Variants in RAD51B observed in about 807,000 individuals in gnomAD.
RAD51B encodes RAD51 paralog B.
In RAD51B, 38 loss-of-function variants were observed where a neutral mutation model predicts 42.2. The ratio of observed to expected loss-of-function variants is 0.90; its 90% CI spans 0.70 to 1.18. The LOEUF is 1.18. Ranked by LOEUF, RAD51B falls within the 50% of genes most tolerant of loss-of-function variation. The probability of loss-of-function intolerance (pLI) is 0.00; values close to 1 mark genes in which losing one functional copy is unlikely to be tolerated. For synonymous variants in RAD51B, 154 were observed against 145.2 expected, an observed-to-expected ratio of 1.06 and a Z score of -0.43; for missense variants, 373 against 400.7, an observed-to-expected ratio of 0.93 and a Z score of 0.59.
At chr14:67,846,648 C>A (rs942617078) in intron 4 of RAD51B, among the ~76,000 whole-genome samples, 9 of 152,120 alleles carry the variant, frequency 5.9e-5, no homozygotes, top group Admixed American at 1.3e-4. Context: ...CTGGAGGCAC[C>A]TCAGTTGGGC....
intron 7 of RAD51B, among the ~76,000 whole-genome samples, chr14:68,247,707 A>G (rs550038231): frequency 2.0e-5 from 3 of 152,150 alleles, no homozygotes; most frequent in South Asian, 2.1e-4. Context: ...TTATTAGTCT[A>G]TTTGGGGGAT....
At chr14:68,016,761 G>A (rs1055840498) in intron 7 of RAD51B, among the ~76,000 whole-genome samples, 3 of 152,144 alleles carry the variant, frequency 2.0e-5, no homozygotes, top group African/African-American at 7.2e-5. Context: ...GCACAAAGAT[G>A]TTTATCATAG....
At chr14:68,360,665 T>G (rs72727454) in intron 8 of RAD51B, among the ~76,000 whole-genome samples, 2,838 of 152,366 alleles carry the variant, frequency 0.019, 41 homozygotes, top group Middle Eastern at 0.041. Flanking sequence ...CTTTCCTCAC[T>G]CATCATGAGG....
chr14:68,169,614 ACT>A (rs1006917392), intron 7 of RAD51B, among the ~76,000 whole-genome samples: 38 of 152,000 alleles, frequency 2.5e-4, no homozygotes, highest in Non-Finnish European at 4.3e-4. Context: ...ATCACACATA[ACT>A]CTCTGTGTAG....
intron 8 of RAD51B, among the ~76,000 whole-genome samples, chr14:68,385,319 CA>C (rs1218077447): frequency 6.6e-6 from 1 of 152,184 alleles, no homozygotes; most frequent in Non-Finnish European, 1.5e-5. Context: ...CTCATTCTTC[CA>C]AAAGACTTTT....
At chr14:68,358,202 T>C (rs1426656078) in intron 8 of RAD51B, among the ~76,000 whole-genome samples, 1 of 152,172 alleles carries the variant, frequency 6.6e-6, no homozygotes, top group African/African-American at 2.4e-5. Flanking sequence ...TGAAAAAGTC[T>C]GAAATAGTGC....
downstream of RAD51B, among the ~76,000 whole-genome samples, chr14:68,480,694 C>CT (rs1161389112): frequency 6.6e-6 from 1 of 151,978 alleles, no homozygotes; most frequent in African/African-American, 2.4e-5. Flanking sequence ...TTGTGACTCT[C>CT]TGACTAAATC....
chr14:67,821,579 T>G (rs1255098994), intron 1 of RAD51B, among the ~76,000 whole-genome samples: 1 of 152,184 alleles, frequency 6.6e-6, no homozygotes, highest in Non-Finnish European at 1.5e-5. Context: ...CATCTCAGCC[T>G]CCTGGGTAGC....
intron 7 of RAD51B, among the ~76,000 whole-genome samples, chr14:68,116,580 G>A (rs1270119988): frequency 6.6e-6 from 1 of 152,066 alleles, no homozygotes; most frequent in Non-Finnish European, 1.5e-5. Context: ...CAGAGAATTT[G>A]ACAGTCATGA....
At chr14:68,569,659 G>A (rs569708149) in intron 10 of RAD51B, among the ~76,000 whole-genome samples, 6 of 152,312 alleles carry the variant, frequency 3.9e-5, no homozygotes, top group East Asian at 3.9e-4. Flanking sequence ...GATGCCGAAC[G>A]TCCCTTATTG....
chr14:68,654,676 A>G (rs1266773268), intron 11 of RAD51B, among the ~76,000 whole-genome samples: 1 of 152,114 alleles, frequency 6.6e-6, no homozygotes, highest in Admixed American at 6.5e-5. Context: ...AGCAGTTGTA[A>G]TCAGGCCTGA....
chr14:68,339,979 G>C (rs976508598), intron 8 of RAD51B, among the ~76,000 whole-genome samples: 2 of 152,142 alleles, frequency 1.3e-5, no homozygotes, highest in African/African-American at 4.8e-5. Flanking sequence ...TAGAGAGAAG[G>C]CTGCTACTTT....
chr14:67,956,999 A>G (rs1174455302), intron 7 of RAD51B, among the ~76,000 whole-genome samples: 1 of 152,206 alleles, frequency 6.6e-6, no homozygotes, highest in Non-Finnish European at 1.5e-5. Flanking sequence ...AATGCCTACC[A>G]TATGCCAGGT....
At chr14:68,371,056 G>GA (rs869154803) in intron 8 of RAD51B, among the ~76,000 whole-genome samples, 1 of 90,634 alleles carries the variant, frequency 1.1e-5, no homozygotes, top group Non-Finnish European at 2.1e-5. Flanking sequence ...AAAAAAAAAA[G>GA]AAAAAAAGAA....
intron 8 of RAD51B, among the ~76,000 whole-genome samples, chr14:68,323,279 T>C (rs1180633086): frequency 6.6e-6 from 1 of 152,220 alleles, no homozygotes; most frequent in African/African-American, 2.4e-5. Context: ...TGCTAGTGGC[T>C]GAGGGCAGGG....
chr14:68,439,152 G>GTA (rs2085218549), intron 9 of RAD51B, among the ~76,000 whole-genome samples: 1 of 73,572 alleles, frequency 1.4e-5, no homozygotes, highest in Non-Finnish European at 2.6e-5. Context: ...ATGTATTTTT[G>GTA]TACACACACA....
In RAD51B at chr14:68,209,987, TCTTAC is replaced by T. The variant is rs2079671048; in HGVS notation, c.757-81896_757-81892del. Among the ~76,000 whole-genome samples, 13 of 147,316 alleles carry T rather than the reference TCTTAC, an allele frequency of 8.8e-5. No homozygotes were observed. The South Asian group carries it at 2.8e-3, about 32-fold the overall frequency. On this transcript the variant is annotated intron_variant, in intron 7 of 10. Coordinates refer to ENST00000471583, the MANE Select transcript of RAD51B (RefSeq NM_133510.4). ...TTTTTTTTTTTTTTTTGAGACAGAG[TCTTAC>T]TCTGTCACCCAGGCTGGAGTGCAGT... is the stretch of plus-strand genomic sequence containing the variant.
At chr14:68,251,364 A>G (rs1044961637) in intron 7 of RAD51B, among the ~76,000 whole-genome samples, 3 of 152,160 alleles carry the variant, frequency 2.0e-5, no homozygotes, top group Non-Finnish European at 4.4e-5. Context: ...CAGGAGGTGA[A>G]AAGAGCCAAG....
chr14:68,483,005 T>C (rs1883321285), downstream of RAD51B, among the ~76,000 whole-genome samples: 1 of 152,106 alleles, frequency 6.6e-6, no homozygotes, highest in African/African-American at 2.4e-5. Context: ...ACTGCCACAG[T>C]TGCCACAGTA....
Sources: allele counts gnomAD v4.1 joint callset (sites outside exome capture counted in the v4.1 genomes callset), GRCh38; gene constraint gnomAD v4.1.1; transcripts MANE v1.5; gene names NCBI Gene and HGNC (gene_info 2026-07-23, HGNC 2026-07-21).